The following GNPTG variants were observed in gnomAD, a reference collection of about 807,000 sequenced individuals.
GNPTG encodes the protein N-acetylglucosamine-1-phosphate transferase subunit gamma, also known as N-acetylglucosamine-1-phosphotransferase subunit gamma.
Under a neutral mutation model 43.8 loss-of-function variants are expected in GNPTG, and 46 were observed. That is an observed-to-expected ratio of 1.05 (90% CI 0.83 to 1.34). GNPTG has a LOEUF of 1.34. GNPTG is among the 40% of genes most tolerant of loss of function. The pLI is 0.00. For missense variants in GNPTG, 549 were observed against 411.3 expected, an observed-to-expected ratio of 1.33 and a Z score of -2.90; for synonymous variants, 250 against 172.8, an observed-to-expected ratio of 1.45 and a Z score of -3.50.
intron 3 of GNPTG, among the ~76,000 whole-genome samples, chr16:1,356,346 G>C (rs1487415424): frequency 1.3e-5 from 2 of 152,098 alleles, no homozygotes; most frequent in Non-Finnish European, 2.9e-5. Flanking sequence ...CAGAGGAGAA[G>C]CCTCCCGGCA....
Position 1,351,983 on chromosome 16 carries a change from G to A in GNPTG, c.18G>A (p.Ala6=), listed in dbSNP as rs1356653825. ...GCGGCGCGATGGCGGCGGGGCTGGCGCGGCTCCTGTTGCTCCTCGGGCTCT... is the reference window on the plus strand; with the variant it reads ...GCGGCGCGATGGCGGCGGGGCTGGCACGGCTCCTGTTGCTCCTCGGGCTCT... MAAGL[A]RLLLLLGLSA... is the part of the protein sequence containing the mutation. The change falls in exon 1 of 11, where the codon GCG becomes GCA. Residue 6 remains alanine, a synonymous_variant. Transcript: ENST00000204679. The A allele has an allele frequency of 2.2e-6, 3 of 1,389,190 alleles. No individual in the cohort carries two copies. The allele number at this position is 1,389,190 out of a possible 1,614,324, so 86.1% of individuals were successfully genotyped here.
Position 1,362,606 on chromosome 16 carries a change from T to TTCAGGGCCATGAGAAGTTGC in GNPTG, c.610-3_626dup. 6.2e-7 allele frequency: 1 copy of TTCAGGGCCATGAGAAGTTGC among 1,614,180 alleles called. No individual in the cohort carries two copies. The highest frequency in any genetic ancestry group is 8.5e-7 in the Non-Finnish European group (1 of 1,180,032). On this transcript the variant is annotated splice_region_variant and splice_polypyrimidine_tract_variant and intron_variant, in intron 8 of 10. Transcript: ENST00000204679. ...GGGTGCTGCCCCTGCATCCTCCACCTTCAGGGCCATGAGAAGTTGCTGAGG... is the reference window on the plus strand; with the variant it reads ...GGGTGCTGCCCCTGCATCCTCCACCTTCAGGGCCATGAGAAGTTGCTCAGGGCCATGAGAAGTTGCTGAGG...
Position 1,362,713 on chromosome 16 carries a change from G to T in GNPTG, c.712G>T (p.Gly238Trp), listed in dbSNP as rs762827756. The change falls in exon 9 of 11, where the codon GGG becomes TGG. Residue 238 changes from glycine (G) to tryptophan (W), a missense_variant. Physicochemically the swap from Gly to Trp is radical, Grantham distance 184. Coordinates refer to ENST00000204679, the MANE Select transcript of GNPTG (RefSeq NM_032520.5). ...TQLEGGPDSL[G>W]FETLENCRKA... ...GCTGGAGGGAGGTCCTGACAGCTTG[G>T]GGTTTGAGACCCTGGAAAACTGCAG... 3.3e-5 allele frequency: 54 copies of T among 1,613,966 alleles called. No individual in the cohort carries two copies. Among genetic ancestry groups the T allele is most frequent in the Non-Finnish European group, 4.5e-5 (53 of 1,180,044 alleles).
chr16:1,353,677 C>A (rs1458943399), intron 3 of GNPTG, among the ~76,000 whole-genome samples: 1 of 152,148 alleles, frequency 6.6e-6, no homozygotes, highest in Non-Finnish European at 1.5e-5. Flanking sequence ...GTGCACGCCA[C>A]CATGCCCGGC....
intron 4 of GNPTG, 34 bp from the exon 5 acceptor site, chr16:1,361,838 C>T (rs748576549): frequency 6.2e-7 from 1 of 1,613,964 alleles, no homozygotes; most frequent in Non-Finnish European, 8.5e-7. Flanking sequence ...GGGGCGCAGC[C>T]TGCGGACCCC....
intron 3 of GNPTG, among the ~76,000 whole-genome samples, chr16:1,353,625 G>A (rs556926892): frequency 1.3e-5 from 2 of 152,306 alleles, no homozygotes; most frequent in African/African-American, 2.4e-5. Flanking sequence ...CTGGGCTGAA[G>A]CAATCCACCA....
At position 1,352,127 on chromosome 16, in the gene GNPTG, G is replaced by A. The variant is rs1324102650; in HGVS notation, c.78G>A (p.Lys26=). Residue 26 remains lysine (K), a synonymous_variant, in exon 2 of 11, where the codon AAG becomes AAA. Transcript: ENST00000204679. ...AGGPAPAGAA[K]MKVVEEPNAF... ...GGCCCGCGCCGGCAGGTGCAGCGAAGATGAAGGTGGTGGAGGAGCCCAACG... is the reference window on the plus strand; with the variant it reads ...GGCCCGCGCCGGCAGGTGCAGCGAAAATGAAGGTGGTGGAGGAGCCCAACG... 3.2e-6 allele frequency: 5 copies of A among 1,582,626 alleles called. No homozygotes were observed. Among genetic ancestry groups the A allele is most frequent in the South Asian group, 1.1e-5 (1 of 86,998 alleles).
intron 3 of GNPTG, among the ~76,000 whole-genome samples, chr16:1,353,551 T>A (rs1195019847): frequency 6.6e-6 from 1 of 152,048 alleles, no homozygotes; most frequent in Non-Finnish European, 1.5e-5. Context: ...AGAGACGGGG[T>A]CTTGCTCTCT....
Position 1,363,863 on chromosome 16 carries a change from C to T in GNPTG, c.*772C>T, listed in dbSNP as rs2035029397. 1 of 152,528 alleles carries T rather than the reference C, an allele frequency of 6.6e-6. No homozygotes were observed. Among genetic ancestry groups the T allele is most frequent in the Admixed American group, 6.5e-5 (1 of 15,294 alleles). The allele number at this position is 152,528 out of a possible 1,614,324, so 9.4% of individuals were successfully genotyped here. A position where few individuals can be genotyped will look rare whatever the true frequency, so the allele number is the denominator to read the frequency against. On this transcript the variant is annotated 3_prime_UTR_variant, in exon 11 of 11. Transcript: ENST00000204679. ...GGGAGCAGGTGCCACCTCCATCTCC[C>T]AGCTGTCCCCCCACCCCTGGGGCTC... is the stretch of plus-strand genomic sequence containing the variant.
chr16:1,357,473 G>A (rs944508881), intron 3 of GNPTG, among the ~76,000 whole-genome samples: 1 of 149,636 alleles, frequency 6.7e-6, no homozygotes, highest in Non-Finnish European at 1.5e-5. Flanking sequence ...CACCTCGTGT[G>A]TATTTCGACT....
At chr16:1,352,438 G>A (rs2034701606) in intron 3 of GNPTG, 132 bp downstream of exon 3, 3 of 896,678 alleles carry the variant, frequency 3.3e-6, no homozygotes, top group Non-Finnish European at 5.4e-6. Context: ...TAAAATTAAT[G>A]TGGAAGTACG....
intron 3 of GNPTG, among the ~76,000 whole-genome samples, chr16:1,353,891 G>A (rs951550891): frequency 7.2e-5 from 11 of 152,238 alleles, no homozygotes; most frequent in African/African-American, 2.7e-4. Context: ...AGGGATCCAG[G>A]AAAGGGAGTG....
Position 1,362,637 on chromosome 16 carries a change from T to A in GNPTG, c.636T>A (p.Leu212=), listed in dbSNP as rs1761988431. 1 of 1,614,014 alleles carries A rather than the reference T, an allele frequency of 6.2e-7. No homozygotes were observed. Among genetic ancestry groups the A allele is most frequent in the Non-Finnish European group, 8.5e-7 (1 of 1,180,022 alleles). Residue 212 remains leucine, a synonymous_variant, in exon 9 of 11, where the codon CTT becomes CTA. Coordinates refer to ENST00000204679, the MANE Select transcript of GNPTG (RefSeq NM_032520.5). ...GCCATGAGAAGTTGCTGAGGACACT[T>A]TTTGAGGATGCTGGCTACTTAAAGA... ...PQGHEKLLRT[L]FEDAGYLKTP...
chr16:1,354,807 G>A (rs772165319), intron 3 of GNPTG, among the ~76,000 whole-genome samples: 1 of 152,184 alleles, frequency 6.6e-6, no homozygotes, highest in Non-Finnish European at 1.5e-5. Flanking sequence ...TGTTGATGGT[G>A]TTTTTCTCCA....
chr16:1,361,798 G>A lies in GNPTG; in HGVS notation c.233+1G>A, dbSNP rs376679416. 1.1e-5 allele frequency: 17 copies of A among 1,613,800 alleles called. No homozygotes were observed. Among genetic ancestry groups the A allele is most frequent in the Middle Eastern group, 1.6e-4 (1 of 6,082 alleles). On this transcript the variant is annotated splice_donor_variant, in intron 4 of 10. Transcript: ENST00000204679. LOFTEE classifies it high-confidence loss of function. ...AGTGCTTCAGCCTGGTGGAGTCCAC[G>A]TGAGTGCAGGGTGGGTGCGAGGGTG... is the stretch of plus-strand genomic sequence containing the variant.
At chr16:1,358,590 C>T (rs1196979924) in intron 3 of GNPTG, among the ~76,000 whole-genome samples, 1 of 152,132 alleles carries the variant, frequency 6.6e-6, no homozygotes, top group East Asian at 1.9e-4. Flanking sequence ...ATATTTGAGT[C>T]TCTGCTTCCA....
chr16:1,353,830 C>T (rs1359389607), intron 3 of GNPTG, among the ~76,000 whole-genome samples: 1 of 152,160 alleles, frequency 6.6e-6, no homozygotes, highest in Admixed American at 6.5e-5. Flanking sequence ...AGTGACATTT[C>T]AGCCAAAAGC....
intron 3 of GNPTG, among the ~76,000 whole-genome samples, chr16:1,352,736 G>T (rs2034707263): frequency 6.6e-6 from 1 of 152,084 alleles, no homozygotes; most frequent in Non-Finnish European, 1.5e-5. Context: ...TTCTCTTGGT[G>T]CTCAGCACGC....
chr16:1,357,663 G>C (rs1254615751), intron 3 of GNPTG: 1 of 153,162 alleles, frequency 6.5e-6, no homozygotes, highest in Non-Finnish European at 1.5e-5. Flanking sequence ...ACAGGCGCCC[G>C]CCACCATGCC....
Sources: gnomAD v4.1 joint callset for allele counts (sites outside exome capture counted in the v4.1 genomes callset) on GRCh38, gnomAD v4.1.1 for gene constraint, MANE v1.5 for transcripts, NCBI Gene and HGNC (gene_info 2026-07-23, HGNC 2026-07-21) for gene names.